Variants in DNAAF9 observed in about 807,000 individuals in gnomAD.
The protein encoded by DNAAF9 is shulin.
DNAAF9 carries 90 observed loss-of-function variants against 167.0 expected under a neutral mutation model. That is an observed-to-expected ratio of 0.54 (90% CI 0.45 to 0.64). The LOEUF (loss-of-function observed/expected upper bound fraction) is 0.64. Ranked by LOEUF, DNAAF9 falls within the 30% of genes least tolerant of loss-of-function variation. The probability of loss-of-function intolerance (pLI) is 0.00; values close to 1 mark genes in which losing one functional copy is unlikely to be tolerated. For synonymous variants in DNAAF9, 491 were observed against 508.8 expected (o/e 0.96, Z 0.47); for missense variants, 1,315 against 1,442.2 (o/e 0.91, Z 1.43).
At chr20:3,394,952 T>C (rs1430715217) in intron 1 of DNAAF9, among the ~76,000 whole-genome samples, 1 of 24,186 alleles carries the variant, frequency 4.1e-5, no homozygotes, top group Non-Finnish European at 7.6e-5. Flanking sequence ...CTTTTTTCTT[T>C]TTTTTTTTTT....
At chr20:3,267,765 G>A (rs2122788447) in intron 30 of DNAAF9, among the ~76,000 whole-genome samples, 1 of 152,192 alleles carries the variant, frequency 6.6e-6, no homozygotes, top group South Asian at 2.1e-4. Flanking sequence ...AATCCAGGAG[G>A]TGGAGGTTGC....
intron 23 of DNAAF9, 94 bp downstream of exon 23, chr20:3,296,767 A>G (rs1468279031): frequency 6.9e-5 from 54 of 781,456 alleles, no homozygotes; most frequent in Non-Finnish European, 4.4e-6. Flanking sequence ...TCAGAAGCCA[A>G]GACCCCTGTG....
intron 31 of DNAAF9, among the ~76,000 whole-genome samples, chr20:3,260,286 G>A (rs6051687): frequency 6.6e-6 from 1 of 151,768 alleles, no homozygotes; most frequent in African/African-American, 2.4e-5. Flanking sequence ...TTGCAGTGAG[G>A]CGAGATTGCG....
intron 1 of DNAAF9, among the ~76,000 whole-genome samples, chr20:3,388,738 T>C (rs538421252): frequency 7.2e-5 from 11 of 152,262 alleles, no homozygotes; most frequent in South Asian, 6.2e-4. Flanking sequence ...CCCAGAATAG[T>C]CAACTTCACA....
intron 30 of DNAAF9, among the ~76,000 whole-genome samples, chr20:3,266,764 A>T (rs1434481135): frequency 6.6e-6 from 1 of 151,900 alleles, no homozygotes; most frequent in African/African-American, 2.4e-5. Flanking sequence ...GGCCTGAGCC[A>T]CCATGCTCGG....
At chr20:3,303,146 G>T (rs1396632612) in intron 21 of DNAAF9, among the ~76,000 whole-genome samples, 3 of 151,936 alleles carry the variant, frequency 2.0e-5, no homozygotes, top group Admixed American at 1.3e-4. Flanking sequence ...GGAGGCTGAC[G>T]CGGGAGAATG....
chr20:3,374,228 G>T (rs1226441015), intron 5 of DNAAF9, 74 bp from the exon 6 acceptor site: 2 of 937,914 alleles, frequency 2.1e-6, no homozygotes, highest in African/African-American at 1.6e-5. Context: ...ACCTAACATG[G>T]TTAGACAGGT....
chr20:3,257,438 G>C (rs994162059), intron 33 of DNAAF9, among the ~76,000 whole-genome samples: 7 of 152,068 alleles, frequency 4.6e-5, no homozygotes, highest in Non-Finnish European at 1.0e-4. Flanking sequence ...CTTGAGCCTG[G>C]GAGGTCAAGG....
intron 6 of DNAAF9, among the ~76,000 whole-genome samples, chr20:3,364,323 G>A (rs1449472033): frequency 6.6e-6 from 1 of 152,026 alleles, no homozygotes; most frequent in African/African-American, 2.4e-5. Flanking sequence ...TTACCTTGCT[G>A]GGTGCTAAAT....
Position 3,340,526 on chromosome 20 carries a change from C to T in DNAAF9, c.959G>A (p.Gly320Asp). The T allele has an allele frequency of 1.2e-6, 2 of 1,600,564 alleles. No individual in the cohort carries two copies. Among genetic ancestry groups the T allele is most frequent in the Non-Finnish European group, 1.7e-6 (2 of 1,171,664 alleles). Residue 320 changes from glycine (G) to aspartate (D), a missense_variant, in exon 10 of 37, where the codon GGC becomes GAC. Transcript: ENST00000252032. ...EGHLVRSTGP[G>D]GSFAKHMVAQ... ...TACCATGTGCTTGGCAAAGCTCCCG[C>T]CGGGACCAGTGCTTCGTACCAGATG...
rs749994630 is a variant in DNAAF9, at chr20:3,251,195, C to T, written c.*1377G>A. ...TGACAAGCCCTTGAGAGCTGCTTTGCTACTTGCATGCAGGCCTCTGTGTGA... is the reference window on the plus strand; with the variant it reads ...TGACAAGCCCTTGAGAGCTGCTTTGTTACTTGCATGCAGGCCTCTGTGTGA... On this transcript the variant is annotated 3_prime_UTR_variant, in exon 37 of 37. Transcript: ENST00000252032. 9 of 150,164 alleles carry T rather than the reference C, an allele frequency of 6.0e-5. No individual in the cohort carries two copies. The highest frequency in any genetic ancestry group is 3.3e-4 in the Admixed American group (5 of 15,038). The allele number at this position is 150,164 out of a possible 1,614,324, so 9.3% of individuals were successfully genotyped here.
At chr20:3,271,651 C>T (rs2068595235) in intron 29 of DNAAF9, among the ~76,000 whole-genome samples, 2 of 143,830 alleles carry the variant, frequency 1.4e-5, no homozygotes, top group South Asian at 2.2e-4. Flanking sequence ...GACGGAGTTT[C>T]ACTCTTGTTG....
rs182473780 is a variant in DNAAF9 at position 3,284,106 on chromosome 20, G to C, written c.2487-2340C>G. 3.2e-4 allele frequency among the ~76,000 whole-genome samples: 49 copies of C among 151,668 alleles called. 1 individual carries two copies. In the East Asian group the frequency reaches 8.9e-3, roughly 28 times the overall value. Reference sequence around the variant, plus strand: ...CTCCCCAGCCCCATAATCATCCTGGGTGAGGCCTCCAGACAGAAAGAGCAC... The same window carrying C: ...CTCCCCAGCCCCATAATCATCCTGGCTGAGGCCTCCAGACAGAAAGAGCAC... On this transcript the variant is annotated intron_variant, in intron 27 of 36. Coordinates refer to ENST00000252032, the MANE Select transcript of DNAAF9 (RefSeq NM_001009984.3).
intron 6 of DNAAF9, among the ~76,000 whole-genome samples, chr20:3,370,270 A>C (rs867702484): frequency 2.7e-4 from 41 of 152,110 alleles, no homozygotes; most frequent in African/African-American, 9.4e-4. Flanking sequence ...ATTTATTTTG[A>C]GACAGTGTCT....
rs548528885 is a variant in DNAAF9 at position 3,348,683 on chromosome 20, C to T, written c.691-60G>A. On this transcript the variant is annotated intron_variant, in intron 7 of 36. Coordinates refer to ENST00000252032, the MANE Select transcript of DNAAF9 (RefSeq NM_001009984.3). ...CATATAAAGGAGGTATTTTAGAAAA[C>T]GAGAATTATGAAACTGTAACTTATC... 88 of 1,007,318 alleles carry T rather than the reference C, an allele frequency of 8.7e-5. 1 individual carries two copies. The South Asian group carries it at 1.0e-3, about 12-fold the overall frequency. 62.4% of individuals were successfully genotyped at this position (1,007,318 alleles called of 1,614,324 possible). A position where few individuals can be genotyped will look rare whatever the true frequency, so the allele number is the denominator to read the frequency against.
rs73084959 is a variant in DNAAF9 at position 3,394,422 on chromosome 20, T to A, written c.84-11916A>T. 1.2e-3 allele frequency among the ~76,000 whole-genome samples: 176 copies of A among 152,324 alleles called. 1 individual carries two copies. The highest frequency in any genetic ancestry group is 2.2e-3 in the Non-Finnish European group (153 of 68,026). ...TCTAGATTTTGTTTATAGTCTCTTT[T>A]TCATGCCGAAGTTTAAAAATGTTAT... On this transcript the variant is annotated intron_variant, in intron 1 of 36. Coordinates refer to ENST00000252032, the MANE Select transcript of DNAAF9 (RefSeq NM_001009984.3).
chr20:3,324,861 T>A (rs1351056897), intron 14 of DNAAF9, 31 bp downstream of exon 14: 2 of 1,161,226 alleles, frequency 1.7e-6, no homozygotes, highest in African/African-American at 1.5e-5. Context: ...AGAAAAAAAA[T>A]TCCTTATAAA....
At position 3,332,225 on chromosome 20, in the gene DNAAF9, T is replaced by C. The variant is rs943229467; in HGVS notation, c.1063+55A>G. The C allele has an allele frequency of 1.6e-5, 15 of 933,334 alleles. No homozygotes were observed. In the African/African-American group the frequency reaches 2.1e-4, roughly 13 times the overall value. 57.8% of individuals were successfully genotyped at this position (933,334 alleles called of 1,614,324 possible). On this transcript the variant is annotated intron_variant, in intron 11 of 36. Transcript: ENST00000252032. Reference sequence around the variant, plus strand: ...GAATTGTATGTCAACTTCTAGTTCATGGGACAGACTATTCATTAGATAAGC... The same window carrying C: ...GAATTGTATGTCAACTTCTAGTTCACGGGACAGACTATTCATTAGATAAGC...
chr20:3,294,705 C>G, intron 23 of DNAAF9, 76 bp from the exon 24 acceptor site: 9 of 916,424 alleles, frequency 9.8e-6, no homozygotes, highest in Non-Finnish European at 1.4e-5. Context: ...GGGCCTGATG[C>G]TTTCAAGCCA....
Sources: gnomAD v4.1 joint callset for allele counts (sites outside exome capture counted in the v4.1 genomes callset) on GRCh38, gnomAD v4.1.1 for gene constraint, MANE v1.5 for transcripts, NCBI Gene and HGNC (gene_info 2026-07-23, HGNC 2026-07-21) for gene names.